UNC13A: variants seen among roughly 807,000 people sequenced by gnomAD.
UNC13A encodes protein unc-13 homolog A.
Under a neutral mutation model 219.7 loss-of-function variants are expected in UNC13A, and 61 were observed. The observed-to-expected ratio is 0.28, with a 90% CI of 0.23 to 0.34. The LOEUF (loss-of-function observed/expected upper bound fraction) is 0.34, where lower values mean the gene tolerates loss of function less well. Ranked by LOEUF, UNC13A falls within the 10% of genes least tolerant of loss-of-function variation. The pLI, the probability that UNC13A is intolerant of heterozygous loss-of-function variation, is 1.00. For synonymous variants in UNC13A, 920 were observed against 884.6 expected (o/e 1.04, Z -0.71); for missense variants, 1,476 against 2,270.3 (o/e 0.65, Z 7.11).
At chr19:17,680,469 C>A (rs1388184748) in intron 1 of UNC13A, among the ~76,000 whole-genome samples, 2 of 152,188 alleles carry the variant, frequency 1.3e-5, no homozygotes, top group Non-Finnish European at 2.9e-5. Context: ...CAGCGACGAG[C>A]GGGTGAAGAC....
At position 17,636,137 on chromosome 19, in the gene UNC13A, GA is replaced by G; in HGVS notation, c.3101del (p.Leu1034ProfsTer18). The G allele has an allele frequency of 6.2e-7, 1 of 1,603,504 alleles. No homozygotes were observed. The highest frequency in any genetic ancestry group is 8.5e-7 in the Non-Finnish European group (1 of 1,174,670). On this transcript the variant is annotated frameshift_variant, in exon 26 of 44. Transcript: ENST00000519716. LOFTEE classifies it high-confidence loss of function. ...QTDPAKKGEVLPEEQGPSIKN... is the reference protein window; with the variant it reads ...QTDPAKKGEVXPEEQGPSIKN... Reference sequence around the variant, plus strand: ...TGATGCTGGGCCCCTGTTCCTCTGGGAGAACTTCCCCCTTCTTGGCCTGAAA... The same window carrying G: ...TGATGCTGGGCCCCTGTTCCTCTGGGGAACTTCCCCCTTCTTGGCCTGAAA...
intron 3 of UNC13A, among the ~76,000 whole-genome samples, chr19:17,673,265 G>A (rs1465463228): frequency 1.3e-5 from 2 of 150,752 alleles, no homozygotes; most frequent in Non-Finnish European, 2.9e-5. Flanking sequence ...GCTGAGGCAG[G>A]AGAATTGCTT....
At chr19:17,684,980 TG>T (rs1213366556) in intron 1 of UNC13A, among the ~76,000 whole-genome samples, 1 of 152,212 alleles carries the variant, frequency 6.6e-6, no homozygotes, top group Non-Finnish European at 1.5e-5. Flanking sequence ...CATACATGTA[TG>T]CACTTGTGTG....
chr19:17,651,969 A>G (rs112823050), intron 12 of UNC13A, among the ~76,000 whole-genome samples: 15 of 152,206 alleles, frequency 9.9e-5, no homozygotes, highest in African/African-American at 3.6e-4. Flanking sequence ...CTAAACAACT[A>G]TCTTTAATTA....
chr19:17,640,674 A>G lies in UNC13A; in HGVS notation c.2637-13T>C, dbSNP rs924804386. On this transcript the variant is annotated splice_polypyrimidine_tract_variant and intron_variant, in intron 21 of 43. Transcript: ENST00000519716. ...GCAGGCAAAGTGGCTGGAGAGAGGG[A>G]GCAGGAGGCACTAGGCCAGGGGTCC... is the stretch of plus-strand genomic sequence containing the variant. 1 of 1,568,454 alleles carries G rather than the reference A, an allele frequency of 6.4e-7. No individual in the cohort carries two copies. Among genetic ancestry groups the G allele is most frequent in the African/African-American group, 1.3e-5 (1 of 74,244 alleles).
rs1365587128 is a variant in UNC13A at position 17,688,084 on chromosome 19, A to G, written c.22+94T>C. On this transcript the variant is annotated intron_variant, in intron 1 of 43. Transcript: ENST00000519716. ...AAGTCCAGCCACCTGGACTCGGGTC[A>G]CCCCCCAGGAACCCCCTGGGAGCCG... The G allele has an allele frequency of 2.8e-6, 4 of 1,436,250 alleles. No homozygotes were observed. In the African/African-American group the frequency reaches 6.1e-5, roughly 22 times the overall value. The allele number at this position is 1,436,250 out of a possible 1,614,324, so 89.0% of individuals were successfully genotyped here.
intron 16 of UNC13A, 83 bp from the exon 17 acceptor site, chr19:17,647,575 A>C: frequency 7.3e-7 from 1 of 1,364,176 alleles, no homozygotes; most frequent in Non-Finnish European, 1.0e-6. Context: ...GCCCCTACTC[A>C]TCAACCGGGG....
At chr19:17,673,453 GA>G (rs1227549054) in intron 3 of UNC13A, among the ~76,000 whole-genome samples, 1 of 151,968 alleles carries the variant, frequency 6.6e-6, no homozygotes, top group Non-Finnish European at 1.5e-5. Context: ...AGCACTTTGG[GA>G]GGCCGAGGCG....
intron 31 of UNC13A, chr19:17,628,241 G>T (rs1214838870): frequency 2.3e-6 from 1 of 440,974 alleles, no homozygotes; most frequent in Admixed American, 3.7e-5. Flanking sequence ...TTTCCTGCAA[G>T]AGCCCAAAGC....
Position 17,601,375 on chromosome 19 carries a change from A to G in UNC13A, c.*4679T>C, listed in dbSNP as rs556828995. On this transcript the variant is annotated 3_prime_UTR_variant, in exon 44 of 44. Coordinates refer to ENST00000519716, the MANE Select transcript of UNC13A (RefSeq NM_001080421.3). ...CTTTTTTTAATGTCTGCTGTTAATA[A>G]AATATTTTTACAGAGACCAAAAAGT... The G allele has an allele frequency of 6.6e-6, 1 of 152,648 alleles. No homozygotes were observed. Among genetic ancestry groups the G allele is most frequent in the Admixed American group, 6.5e-5 (1 of 15,294 alleles). The allele number at this position is 152,648 out of a possible 1,614,324, so 9.5% of individuals were successfully genotyped here.
chr19:17,611,384 A>G (rs1291541752), intron 42 of UNC13A, among the ~76,000 whole-genome samples: 1 of 152,080 alleles, frequency 6.6e-6, no homozygotes, highest in Non-Finnish European at 1.5e-5. Flanking sequence ...GGGTTTCACC[A>G]TGTTGGCCAG....
At position 17,633,102 on chromosome 19, in the gene UNC13A, A is replaced by G. The variant is rs1487848311; in HGVS notation, c.3301+6T>C. The G allele has an allele frequency of 1.2e-6, 2 of 1,613,616 alleles. No individual in the cohort carries two copies. Among genetic ancestry groups the G allele is most frequent in the East Asian group, 2.2e-5 (1 of 44,874 alleles). ...AGGCTGGGGAACACTGGGGTGGGAAACTCACCCTCCATGGCGTACTTCATG... is the reference window on the plus strand; with the variant it reads ...AGGCTGGGGAACACTGGGGTGGGAAGCTCACCCTCCATGGCGTACTTCATG... On this transcript the variant is annotated splice_donor_region_variant and intron_variant, in intron 27 of 43. Transcript: ENST00000519716.
chr19:17,635,748 A>G (rs999199722), intron 26 of UNC13A, among the ~76,000 whole-genome samples: 1 of 152,224 alleles, frequency 6.6e-6, no homozygotes, highest in South Asian at 2.1e-4. Flanking sequence ...CACATAAAAA[A>G]TTATACACAT....
At chr19:17,644,784 C>G (rs2077007581) in intron 19 of UNC13A, among the ~76,000 whole-genome samples, 1 of 151,944 alleles carries the variant, frequency 6.6e-6, no homozygotes, top group South Asian at 2.1e-4. Context: ...CTTTACCTCT[C>G]AGGCTCAGGG....
chr19:17,607,465 G>T (rs904016988), intron 43 of UNC13A, among the ~76,000 whole-genome samples: 4 of 137,844 alleles, frequency 2.9e-5, no homozygotes, highest in East Asian at 2.4e-4. Flanking sequence ...GGTGGCGGGG[G>T]GGGGGGTCTC....
intron 20 of UNC13A, among the ~76,000 whole-genome samples, chr19:17,641,853 C>T (rs1466527978): frequency 6.6e-6 from 1 of 151,888 alleles, no homozygotes; most frequent in South Asian, 2.1e-4. Flanking sequence ...ATACAACCAA[C>T]CATCCATCCA....
intron 3 of UNC13A, among the ~76,000 whole-genome samples, chr19:17,672,982 G>A (rs1568271771): frequency 6.6e-6 from 1 of 152,160 alleles, no homozygotes; most frequent in African/African-American, 2.4e-5. Context: ...AGACATATGT[G>A]AATTCGGGGG....
chr19:17,648,253 G>A (rs1276181729), intron 16 of UNC13A, among the ~76,000 whole-genome samples, 178 bp downstream of exon 16: 1 of 125,388 alleles, frequency 8.0e-6, no homozygotes, highest in African/African-American at 3.2e-5. Flanking sequence ...AGGGAGTCCT[G>A]CGCCTTTAAC....
At position 17,618,521 on chromosome 19, in the gene UNC13A, G is replaced by C; in HGVS notation, c.4330-20C>G. 1.3e-6 allele frequency: 2 copies of C among 1,574,162 alleles called. No homozygotes were observed. The highest frequency in any genetic ancestry group is 2.3e-5 in the South Asian group (2 of 86,252). On this transcript the variant is annotated intron_variant, in intron 39 of 43. Coordinates refer to ENST00000519716, the MANE Select transcript of UNC13A (RefSeq NM_001080421.3). ...GTGATCCTGGATGGATGGGGAGAGG[G>C]GCCATGTGGGTGGAGTGGGCTCCAC...
Sources: allele counts gnomAD v4.1 joint callset (sites outside exome capture counted in the v4.1 genomes callset), GRCh38; gene constraint gnomAD v4.1.1; transcripts MANE v1.5; gene names NCBI Gene and HGNC (gene_info 2026-07-23, HGNC 2026-07-21).